Variants in WDPCP observed in about 807,000 individuals in gnomAD.
WDPCP encodes WD repeat containing planar cell polarity effector.
WDPCP carries 71 observed loss-of-function variants against 93.1 expected under a neutral mutation model. The ratio of observed to expected loss-of-function variants is 0.76; its 90% CI spans 0.63 to 0.93. WDPCP has a LOEUF of 0.93. WDPCP is among the 40% of genes least tolerant of loss of function. The probability of loss-of-function intolerance (pLI) is 0.00; values close to 1 mark genes in which losing one functional copy is unlikely to be tolerated. For missense variants in WDPCP, 844 were observed against 887.4 expected, an observed-to-expected ratio of 0.95 and a Z score of 0.62; for synonymous variants, 315 against 315.0, an observed-to-expected ratio of 1.00 and a Z score of 0.00.
At chr2:63,384,384 G>A (rs920497034) in intron 10 of WDPCP, among the ~76,000 whole-genome samples, 1 of 151,998 alleles carries the variant, frequency 6.6e-6, no homozygotes, top group Non-Finnish European at 1.5e-5. Context: ...TAACCTAAAT[G>A]CAATGGATTC....
At chr2:63,430,987 A>G (rs1696715119) in intron 9 of WDPCP, among the ~76,000 whole-genome samples, 1 of 152,320 alleles carries the variant, frequency 6.6e-6, no homozygotes, top group African/African-American at 2.4e-5. Context: ...TGAAAATCAC[A>G]TAATTCAGTC....
At chr2:63,827,135 A>T (rs1409667389) in intron 1 of WDPCP, among the ~76,000 whole-genome samples, 1 of 152,156 alleles carries the variant, frequency 6.6e-6, no homozygotes, top group Non-Finnish European at 1.5e-5. Flanking sequence ...CATATTTGTT[A>T]AAATTCCTTC....
At chr2:63,749,052 C>T (rs2103876844) in intron 2 of WDPCP, among the ~76,000 whole-genome samples, 1 of 152,176 alleles carries the variant, frequency 6.6e-6, no homozygotes, top group Admixed American at 6.5e-5. Flanking sequence ...TTTTTACCTC[C>T]TGTACTCTTT....
chr2:63,453,305 A>G (rs1698384702), intron 6 of WDPCP, among the ~76,000 whole-genome samples: 1 of 152,224 alleles, frequency 6.6e-6, no homozygotes, highest in Non-Finnish European at 1.5e-5. Flanking sequence ...ACACTTCTCA[A>G]AAGAAGACAT....
At chr2:63,589,373 A>G, upstream of WDPCP, 1 of 1,550,618 alleles carries the variant, frequency 6.4e-7, no homozygotes, top group Non-Finnish European at 8.7e-7. Flanking sequence ...GGTGTTTGAT[A>G]AGGACGATAA....
At chr2:63,395,448 C>G (rs1436107527) in intron 10 of WDPCP, among the ~76,000 whole-genome samples, 1 of 152,308 alleles carries the variant, frequency 6.6e-6, no homozygotes. Flanking sequence ...CGTGTACCCA[C>G]TGTTTAGCTC....
At chr2:63,446,551 T>A (rs17027902) in intron 6 of WDPCP, among the ~76,000 whole-genome samples, 2,511 of 152,308 alleles carry the variant, frequency 0.016, 81 homozygotes, top group African/African-American at 0.057. Context: ...TCCCAAATTT[T>A]AATCAATCCT....
chr2:63,521,412 T>C (rs1702923369), intron 1 of WDPCP, among the ~76,000 whole-genome samples: 1 of 152,156 alleles, frequency 6.6e-6, no homozygotes, highest in Admixed American at 6.5e-5. Flanking sequence ...TGCTATCTAA[T>C]TTCAGACAAA....
At chr2:63,822,799 T>C (rs992406210) in intron 1 of WDPCP, among the ~76,000 whole-genome samples, 1 of 151,908 alleles carries the variant, frequency 6.6e-6, no homozygotes, top group African/African-American at 2.4e-5. Context: ...AGTGGGAGGA[T>C]TGCTTGAGCC....
chr2:63,254,570 T>TTC (rs1680987638), intron 14 of WDPCP, among the ~76,000 whole-genome samples: 1 of 152,098 alleles, frequency 6.6e-6, no homozygotes, highest in South Asian at 2.1e-4. Context: ...TTCTAAGAAA[T>TTC]AATGGAGAAG....
chr2:63,589,088 C>A (rs756374279), upstream of WDPCP: 1 of 1,614,154 alleles, frequency 6.2e-7, no homozygotes, highest in Non-Finnish European at 8.5e-7. Context: ...CTGGCCCTCG[C>A]GCCCTTGAGT....
intron 1 of WDPCP, among the ~76,000 whole-genome samples, chr2:63,533,280 A>G (rs1704004224): frequency 6.6e-6 from 1 of 152,106 alleles, no homozygotes; most frequent in South Asian, 2.1e-4. Context: ...ACACCTCACC[A>G]TCAATATTAG....
intron 2 of WDPCP, among the ~76,000 whole-genome samples, chr2:63,654,210 C>T (rs2106634764): frequency 6.6e-6 from 1 of 152,106 alleles, no homozygotes; most frequent in South Asian, 2.1e-4. Flanking sequence ...AATTAAATAG[C>T]AGGTTAGATA....
chr2:63,678,268 A>G (rs1710447992), intron 2 of WDPCP, among the ~76,000 whole-genome samples: 1 of 152,190 alleles, frequency 6.6e-6, no homozygotes, highest in African/African-American at 2.4e-5. Flanking sequence ...GCAGGAAGAA[A>G]AGGGAAGAGC....
At chr2:63,589,367 T>C, upstream of WDPCP, 4 of 1,550,582 alleles carry the variant, frequency 2.6e-6, no homozygotes, top group Non-Finnish European at 3.5e-6. Context: ...CGTTACGGTG[T>C]TTGATAAGGA....
At chr2:63,746,873 T>C (rs557077255) in intron 2 of WDPCP, among the ~76,000 whole-genome samples, 1 of 152,148 alleles carries the variant, frequency 6.6e-6, no homozygotes, top group Non-Finnish European at 1.5e-5. Flanking sequence ...TGTGATCTTT[T>C]GTTGCCCTTG....
At chr2:63,245,863 C>T (rs577949895) in intron 14 of WDPCP, among the ~76,000 whole-genome samples, 1 of 152,108 alleles carries the variant, frequency 6.6e-6, no homozygotes, top group African/African-American at 2.4e-5. Flanking sequence ...ATCAGGATAA[C>T]TGGGGTATCC....
intron 6 of WDPCP, among the ~76,000 whole-genome samples, chr2:63,444,826 G>A (rs762320222): frequency 7.2e-5 from 11 of 152,044 alleles, no homozygotes; most frequent in Non-Finnish European, 1.3e-4. Flanking sequence ...TTGACACCCC[G>A]CCAGACAAAA....
At chr2:63,613,391 C>G (rs980026197) in intron 3 of WDPCP, among the ~76,000 whole-genome samples, 10 of 152,226 alleles carry the variant, frequency 6.6e-5, no homozygotes, top group Admixed American at 5.9e-4. Context: ...ATGGCTCCAG[C>G]CTGATGAAAT....
Sources: allele counts gnomAD v4.1 joint callset (sites outside exome capture counted in the v4.1 genomes callset), GRCh38; gene constraint gnomAD v4.1.1; transcripts MANE v1.5; gene names NCBI Gene and HGNC (gene_info 2026-07-23, HGNC 2026-07-21).